The following CDH13 variants were observed in gnomAD, a reference collection of about 807,000 sequenced individuals.
CDH13 encodes the protein cadherin-13.
A neutral mutation model predicts 63.8 loss-of-function variants in CDH13; 24 were observed. That is an observed-to-expected ratio of 0.38 (90% CI 0.27 to 0.53). The LOEUF (loss-of-function observed/expected upper bound fraction) is 0.53, where lower values mean the gene tolerates loss of function less well. Among genes scored for constraint, CDH13 ranks in the 20% least tolerant of loss-of-function variants. CDH13 has a pLI of 0.85. For synonymous variants in CDH13, 503 were observed against 355.3 expected (o/e 1.42, Z -4.67); for missense variants, 1,049 against 903.1 (o/e 1.16, Z -2.07).
chr16:82,927,124 C>T (rs1449515462), intron 2 of CDH13, among the ~76,000 whole-genome samples: 2 of 152,112 alleles, frequency 1.3e-5, no homozygotes, highest in African/African-American at 4.8e-5. Context: ...GGCCTCTCCA[C>T]GTGGCTGCTT....
At chr16:82,755,659 A>T (rs944458205) in intron 1 of CDH13, among the ~76,000 whole-genome samples, 1 of 152,200 alleles carries the variant, frequency 6.6e-6, no homozygotes, top group African/African-American at 2.4e-5. Flanking sequence ...CTTTCAAGTG[A>T]CATTTACTGA....
chr16:83,631,287 G>A (rs1383092104), intron 8 of CDH13, among the ~76,000 whole-genome samples: 3 of 152,158 alleles, frequency 2.0e-5, no homozygotes, highest in Admixed American at 1.3e-4. Context: ...AGTTTCACAT[G>A]GAAAACTGCC....
intron 4 of CDH13, among the ~76,000 whole-genome samples, chr16:83,137,862 T>C (rs994402559): frequency 6.8e-6 from 1 of 146,146 alleles, no homozygotes; most frequent in Non-Finnish European, 1.5e-5. Flanking sequence ...AAGTGTTTTT[T>C]GTTTTTTAGG....
At chr16:83,142,874 G>A (rs183235177) in intron 4 of CDH13, among the ~76,000 whole-genome samples, 36 of 152,102 alleles carry the variant, frequency 2.4e-4, no homozygotes, top group Non-Finnish European at 3.7e-4. Context: ...AGGCCGAGGC[G>A]GGCAGATCAC....
chr16:82,692,220 C>G (rs543199992), intron 1 of CDH13, among the ~76,000 whole-genome samples: 1 of 152,314 alleles, frequency 6.6e-6, no homozygotes, highest in Admixed American at 6.5e-5. Flanking sequence ...AGCATGGTAA[C>G]TTCTATGTTA....
chr16:83,702,956 G>T lies in CDH13; in HGVS notation c.1538+24495G>T, dbSNP rs146551179. Among the ~76,000 whole-genome samples, 769 of 152,336 alleles carry T rather than the reference G, an allele frequency of 5.0e-3. 6 individuals carry two copies. The highest frequency in any genetic ancestry group is 0.018 in the African/African-American group (742 of 41,568). The stretch of plus-strand genomic sequence containing the variant: ...GGTGGGGCAGGGATGAGCCAGGGCA[G>T]CCCAGGAGAGCAGAGCTTACAGTCC... On this transcript the variant is annotated intron_variant, in intron 10 of 13. Coordinates refer to ENST00000567109, the MANE Select transcript of CDH13 (RefSeq NM_001257.5).
chr16:82,841,895 T>C (rs1202825555), intron 1 of CDH13, among the ~76,000 whole-genome samples: 1 of 151,882 alleles, frequency 6.6e-6, no homozygotes, highest in African/African-American at 2.4e-5. Flanking sequence ...TGATTTCACA[T>C]TAGTAGCTTG....
At chr16:83,444,236 T>C (rs1379476594) in intron 6 of CDH13, among the ~76,000 whole-genome samples, 2 of 152,130 alleles carry the variant, frequency 1.3e-5, no homozygotes, top group African/African-American at 2.4e-5. Context: ...ATGATGATGA[T>C]GATGACGATG....
Position 82,716,852 on chromosome 16 carries a change from G to A in CDH13, c.45+89715G>A, listed in dbSNP as rs896061050. On this transcript the variant is annotated intron_variant, in intron 1 of 13. Coordinates refer to ENST00000567109, the MANE Select transcript of CDH13 (RefSeq NM_001257.5). ...TAACTATAGATCTTCTTTGTCCTTT[G>A]CCTCAAGCAGAAGCCTTACACGGGT... 2.6e-5 allele frequency among the ~76,000 whole-genome samples: 4 copies of A among 151,678 alleles called. No individual in the cohort carries two copies. In the East Asian group the frequency reaches 5.9e-4, roughly 22 times the overall value.
chr16:82,781,606 A>C (rs2035757628), intron 1 of CDH13, among the ~76,000 whole-genome samples: 1 of 151,994 alleles, frequency 6.6e-6, no homozygotes, highest in Non-Finnish European at 1.5e-5. Context: ...CCACCTATTA[A>C]TCTATCCATC....
chr16:83,609,457 T>C (rs966468454), intron 8 of CDH13, among the ~76,000 whole-genome samples: 1 of 152,242 alleles, frequency 6.6e-6, no homozygotes, highest in African/African-American at 2.4e-5. Context: ...AGTTTTATGT[T>C]ATCTTTATTG....
intron 1 of CDH13, among the ~76,000 whole-genome samples, chr16:82,693,139 C>T (rs556265314): frequency 1.5e-3 from 236 of 152,260 alleles, no homozygotes; most frequent in Non-Finnish European, 2.7e-3. Flanking sequence ...AATGAATCTG[C>T]CAGTTATCAT....
chr16:82,797,693 G>T (rs188816725), intron 1 of CDH13, among the ~76,000 whole-genome samples: 2 of 151,890 alleles, frequency 1.3e-5, no homozygotes, highest in African/African-American at 2.4e-5. Flanking sequence ...TTTATTCAGT[G>T]CTTAAGGTAT....
chr16:83,400,770 C>G (rs543108091), intron 6 of CDH13, among the ~76,000 whole-genome samples: 6 of 152,156 alleles, frequency 3.9e-5, no homozygotes, highest in Non-Finnish European at 5.9e-5. Context: ...CACACTCTTT[C>G]CATTTGGCCC....
intron 2 of CDH13, among the ~76,000 whole-genome samples, chr16:82,959,373 C>G (rs1423588519): frequency 6.6e-6 from 1 of 152,132 alleles, no homozygotes; most frequent in Non-Finnish European, 1.5e-5. Flanking sequence ...TATTAGTTTT[C>G]TATTTCTTCT....
At chr16:82,692,781 G>C (rs1251943066) in intron 1 of CDH13, among the ~76,000 whole-genome samples, 1 of 146,358 alleles carries the variant, frequency 6.8e-6, no homozygotes, top group African/African-American at 2.5e-5. Flanking sequence ...AAAAACCTAG[G>C]TTCTCAGTAG....
intron 3 of CDH13, among the ~76,000 whole-genome samples, chr16:83,071,419 G>A (rs11863364): frequency 0.11 from 16,172 of 152,178 alleles, 1,050 homozygotes; most frequent in African/African-American, 0.17. Context: ...TTGTAAACCT[G>A]TGCTCCTGAC....
intron 6 of CDH13, among the ~76,000 whole-genome samples, chr16:83,368,097 A>G (rs576170406): frequency 6.6e-6 from 1 of 152,178 alleles, no homozygotes; most frequent in Non-Finnish European, 1.5e-5. Flanking sequence ...TATTTAATCA[A>G]TTGATTCTTG....
intron 2 of CDH13, among the ~76,000 whole-genome samples, chr16:82,981,565 A>G (rs545501319): frequency 1.4e-4 from 21 of 152,286 alleles, no homozygotes; most frequent in African/African-American, 5.1e-4. Context: ...GGTCCAGGCA[A>G]GGAGCCTGTT....
Sources: gnomAD v4.1 joint callset for allele counts (sites outside exome capture counted in the v4.1 genomes callset) on GRCh38, gnomAD v4.1.1 for gene constraint, MANE v1.5 for transcripts, NCBI Gene and HGNC (gene_info 2026-07-23, HGNC 2026-07-21) for gene names.